The following CSMD1 variants were observed in gnomAD, a reference collection of about 807,000 sequenced individuals.
The protein encoded by CSMD1 is CUB and sushi domain-containing protein 1.
A neutral mutation model predicts 417.5 loss-of-function variants in CSMD1; 213 were observed. The ratio of observed to expected loss-of-function variants is 0.51; its 90% CI spans 0.46 to 0.57. The LOEUF (loss-of-function observed/expected upper bound fraction) is 0.57, where lower values mean the gene tolerates loss of function less well. Ranked by LOEUF, CSMD1 falls within the 20% of genes least tolerant of loss-of-function variation. CSMD1 has a pLI of 0.00. For synonymous variants in CSMD1, 2,862 were observed against 1,736.8 expected (o/e 1.65, Z -16.11); for missense variants, 6,923 against 4,529.7 (o/e 1.53, Z -15.17).
chr8:4,628,150 A>T lies in CSMD1; in HGVS notation c.302+9192T>A, dbSNP rs527536369. Among the ~76,000 whole-genome samples, 564 of 151,578 alleles carry T rather than the reference A, an allele frequency of 3.7e-3. 6 individuals carry two copies. The highest frequency in any genetic ancestry group is 0.013 in the African/African-American group (538 of 41,378). On this transcript the variant is annotated intron_variant, in intron 2 of 69. Coordinates refer to ENST00000635120, the MANE Select transcript of CSMD1 (RefSeq NM_033225.6). ...ATATATATATATATATGTACACAGT[A>T]TCAAATTTCAACTGAATGATTTTTA...
At chr8:4,949,408 C>T (rs555399918) in intron 1 of CSMD1, among the ~76,000 whole-genome samples, 1 of 152,148 alleles carries the variant, frequency 6.6e-6, no homozygotes, top group Admixed American at 6.5e-5. Context: ...TGTGGTGAAA[C>T]TTTCCTGGAA....
At chr8:4,284,138 A>T (rs1177445382) in intron 3 of CSMD1, among the ~76,000 whole-genome samples, 1 of 152,080 alleles carries the variant, frequency 6.6e-6, no homozygotes, top group African/African-American at 2.4e-5. Flanking sequence ...GAGGCCGAGA[A>T]GGGTGGATCA....
intron 3 of CSMD1, among the ~76,000 whole-genome samples, chr8:4,387,105 TA>T (rs1441113099): frequency 1.3e-5 from 2 of 152,184 alleles, no homozygotes; most frequent in Non-Finnish European, 2.9e-5. Flanking sequence ...AGAGTTAGGA[TA>T]AATGGAAAGT....
At chr8:4,855,145 C>G (rs1360342885) in intron 1 of CSMD1, among the ~76,000 whole-genome samples, 1 of 151,288 alleles carries the variant, frequency 6.6e-6, no homozygotes. Context: ...CACCCCCCAG[C>G]AGGGGCACAC....
chr8:4,686,977 G>A (rs375957215), intron 1 of CSMD1, among the ~76,000 whole-genome samples: 21 of 152,322 alleles, frequency 1.4e-4, no homozygotes, highest in African/African-American at 5.1e-4. Flanking sequence ...CGGCACACAG[G>A]GAGGTGGCAA....
rs770806833 is a variant in CSMD1, at chr8:3,108,724, G to C, written c.6633C>G (p.Pro2211=). The C allele has an allele frequency of 5.6e-6, 9 of 1,613,330 alleles. No homozygotes were observed. Among genetic ancestry groups the C allele is most frequent in the African/African-American group, 2.7e-5 (2 of 74,918 alleles). ...AVWDGPDQNS[P]QLGVFSGNTA... is the part of the protein sequence containing the mutation. ...TGTTGCCACTGAAAACTCCCAGCTG[G>C]GGTGAGTTCTGATCGGGACCGTCCC... Residue 2211 remains proline, a synonymous_variant, in exon 44 of 70, where the codon CCC becomes CCG. Transcript: ENST00000635120.
In CSMD1 at chr8:2,936,275, G is replaced by A. The variant is rs1393469312; in HGVS notation, c.*2310C>T. ...AGGATTTCATAGCATCGTTGACCAG[G>A]GAGCAGGTCAGGGATATGGGAACAG... On this transcript the variant is annotated 3_prime_UTR_variant, in exon 70 of 70. Coordinates refer to ENST00000635120, the MANE Select transcript of CSMD1 (RefSeq NM_033225.6). The A allele has an allele frequency of 6.6e-6, 1 of 151,814 alleles. No individual in the cohort carries two copies. The highest frequency in any genetic ancestry group is 1.5e-5 in the Non-Finnish European group (1 of 68,006). 9.4% of individuals were successfully genotyped at this position (151,814 alleles called of 1,614,324 possible). A position where few individuals can be genotyped will look rare whatever the true frequency, so the allele number is the denominator to read the frequency against.
intron 1 of CSMD1, among the ~76,000 whole-genome samples, chr8:4,671,799 C>T (rs1000437159): frequency 6.6e-6 from 1 of 152,142 alleles, no homozygotes; most frequent in African/African-American, 2.4e-5. Flanking sequence ...AGGAGGCTCT[C>T]AGCCTGAAGG....
chr8:4,516,340 T>C (rs1226809965), intron 2 of CSMD1, among the ~76,000 whole-genome samples: 1 of 152,088 alleles, frequency 6.6e-6, no homozygotes, highest in African/African-American at 2.4e-5. Context: ...AAGAAACAGA[T>C]TTCTGTTCTT....
intron 1 of CSMD1, among the ~76,000 whole-genome samples, chr8:4,715,749 T>C (rs983119119): frequency 2.0e-5 from 3 of 152,062 alleles, no homozygotes; most frequent in African/African-American, 7.2e-5. Context: ...CTCACACATA[T>C]CCAACTTGTC....
At chr8:3,511,743 G>A (rs1797076403) in intron 10 of CSMD1, among the ~76,000 whole-genome samples, 1 of 136,130 alleles carries the variant, frequency 7.3e-6, no homozygotes, top group Non-Finnish European at 1.6e-5. Flanking sequence ...GTGACAGAGT[G>A]AGACTCCATC....
rs1377722784 is a variant in CSMD1, at chr8:4,680,493, T to C, written c.86-42935A>G. Among the ~76,000 whole-genome samples, 6 of 152,248 alleles carry C rather than the reference T, an allele frequency of 3.9e-5. No homozygotes were observed. In the East Asian group the frequency reaches 1.2e-3, roughly 29 times the overall value. On this transcript the variant is annotated intron_variant, in intron 1 of 69. Transcript: ENST00000635120. ...ACTTGATGACACTGGGCAGATGCAT[T>C]AAATTATAGAGAGGGAGGAAGGAGA...
chr8:4,122,496 G>C (rs1267925314), intron 3 of CSMD1, among the ~76,000 whole-genome samples: 1 of 152,146 alleles, frequency 6.6e-6, no homozygotes, highest in Admixed American at 6.6e-5. Flanking sequence ...TAAGTAAACT[G>C]TCTAAAAGAG....
intron 2 of CSMD1, among the ~76,000 whole-genome samples, chr8:4,635,011 G>T (rs1585367403): frequency 6.6e-6 from 1 of 152,092 alleles, no homozygotes; most frequent in African/African-American, 2.4e-5. Flanking sequence ...ATAGGAGGAA[G>T]AAATATAAAA....
At chr8:3,784,185 C>T (rs969093499) in intron 5 of CSMD1, among the ~76,000 whole-genome samples, 1 of 152,152 alleles carries the variant, frequency 6.6e-6, no homozygotes, top group Non-Finnish European at 1.5e-5. Context: ...AGTGTCACAC[C>T]TTGGGAAAGG....
Position 3,307,750 on chromosome 8 carries a change from C to T in CSMD1, c.3895G>A (p.Asp1299Asn), listed in dbSNP as rs750458202. 6.2e-6 allele frequency: 10 copies of T among 1,613,640 alleles called. No homozygotes were observed. The highest frequency in any genetic ancestry group is 2.7e-5 in the African/African-American group (2 of 74,920). Residue 1299 changes from aspartate (D) to asparagine (N), a missense_variant, in exon 25 of 70, where the codon GAC becomes AAC. By Grantham distance (23) the Asp-to-Asn change is conservative. Coordinates refer to ENST00000635120, the MANE Select transcript of CSMD1 (RefSeq NM_033225.6). The part of the protein sequence containing the change: ...ILSPGYPAPY[D>N]NNLHCTWIIE... ...ATCCAGGTGCAGTGGAGGTTGTTGT[C>T]ATACGGAGCTGGATAGCCAGGGGAC... is the stretch of plus-strand genomic sequence containing the variant.
At chr8:4,330,432 A>C (rs1799803467) in intron 3 of CSMD1, among the ~76,000 whole-genome samples, 1 of 152,058 alleles carries the variant, frequency 6.6e-6, no homozygotes, top group African/African-American at 2.4e-5. Context: ...CACACCAAAT[A>C]TACAAAAATG....
chr8:3,119,508 T>C (rs1453588841), intron 41 of CSMD1, among the ~76,000 whole-genome samples: 1 of 150,878 alleles, frequency 6.6e-6, no homozygotes, highest in East Asian at 2.0e-4. Flanking sequence ...TTCCCTAGAA[T>C]AAACTCCAGG....
At chr8:4,277,564 G>C (rs1476660169) in intron 3 of CSMD1, among the ~76,000 whole-genome samples, 1 of 152,064 alleles carries the variant, frequency 6.6e-6, no homozygotes, top group African/African-American at 2.4e-5. Flanking sequence ...CATGGATAGA[G>C]CTGCATGTCT....
Sources: gnomAD v4.1 joint callset for allele counts (sites outside exome capture counted in the v4.1 genomes callset) on GRCh38, gnomAD v4.1.1 for gene constraint, MANE v1.5 for transcripts, NCBI Gene and HGNC (gene_info 2026-07-23, HGNC 2026-07-21) for gene names.